The following MAMDC2 variants were observed in gnomAD, a reference collection of about 807,000 sequenced individuals.
The protein encoded by MAMDC2 is MAM domain containing 2, also known as MAM domain-containing protein 2.
Under a neutral mutation model 89.8 loss-of-function variants are expected in MAMDC2, and 57 were observed. The ratio of observed to expected loss-of-function variants is 0.63; its 90% CI spans 0.51 to 0.79. The LOEUF (loss-of-function observed/expected upper bound fraction) is 0.79, where lower values mean the gene tolerates loss of function less well. MAMDC2 is among the 30% of genes least tolerant of loss of function. MAMDC2 has a pLI of 0.00. For missense variants in MAMDC2, 800 were observed against 820.6 expected (o/e 0.97, Z 0.31); for synonymous variants, 313 against 293.4 (o/e 1.07, Z -0.68).
intron 9 of MAMDC2, among the ~76,000 whole-genome samples, chr9:70,162,404 A>G (rs1414493362): frequency 6.6e-6 from 1 of 151,998 alleles, no homozygotes; most frequent in African/African-American, 2.4e-5. Flanking sequence ...AATAACCCTG[A>G]TTATTTTAAA....
At chr9:70,084,003 T>C (rs1827712773) in intron 2 of MAMDC2, among the ~76,000 whole-genome samples, 2 of 152,112 alleles carry the variant, frequency 1.3e-5, no homozygotes, top group African/African-American at 4.8e-5. Context: ...TCAAGTCTTT[T>C]CCAATGTTAA....
intron 9 of MAMDC2, among the ~76,000 whole-genome samples, chr9:70,151,452 A>G (rs1365848662): frequency 6.6e-6 from 1 of 152,168 alleles, no homozygotes; most frequent in African/African-American, 2.4e-5. Flanking sequence ...CCCTGGTGCA[A>G]AGTAGGTCAT....
At chr9:70,057,283 A>G (rs1827044336) in intron 2 of MAMDC2, among the ~76,000 whole-genome samples, 1 of 152,182 alleles carries the variant, frequency 6.6e-6, no homozygotes, top group Admixed American at 6.5e-5. Flanking sequence ...ATCAATAATT[A>G]CCAATGATGT....
At position 70,054,814 on chromosome 9, in the gene MAMDC2, G is replaced by A. The variant is rs144800577; in HGVS notation, c.148+10117G>A. 6.5e-3 allele frequency among the ~76,000 whole-genome samples: 995 copies of A among 152,134 alleles called. 6 individuals are homozygous for A. The highest frequency in any genetic ancestry group is 0.022 in the African/African-American group (933 of 41,508). On this transcript the variant is annotated intron_variant, in intron 2 of 13. Coordinates refer to ENST00000377182, the MANE Select transcript of MAMDC2 (RefSeq NM_153267.5). ...AGTGGCTTGTGGGCACTGGAGTGTC[G>A]ACTTCAAATGTGTGAAATTTTATTT...
intron 11 of MAMDC2, among the ~76,000 whole-genome samples, chr9:70,186,295 C>G (rs2032753329): frequency 2.0e-5 from 3 of 151,944 alleles, no homozygotes; most frequent in Non-Finnish European, 4.4e-5. Flanking sequence ...TCTTCTGTAT[C>G]TAGCTTTTTA....
chr9:70,190,470 G>A (rs906389271), intron 11 of MAMDC2, among the ~76,000 whole-genome samples: 3 of 152,066 alleles, frequency 2.0e-5, no homozygotes, highest in Admixed American at 6.6e-5. Context: ...GTGCTCTAGC[G>A]GGAAGTTTAC....
chr9:70,134,365 C>A (rs1271843368), intron 7 of MAMDC2, among the ~76,000 whole-genome samples: 1 of 148,434 alleles, frequency 6.7e-6, no homozygotes, highest in East Asian at 2.0e-4. Flanking sequence ...CCCTCACTCT[C>A]CCCCTGCACA....
intron 11 of MAMDC2, chr9:70,217,739 TAAA>T (rs1223610598): frequency 1.8e-6 from 2 of 1,126,138 alleles, no homozygotes; most frequent in African/African-American, 3.2e-5. Flanking sequence ...TTTTCAAAAC[TAAA>T]AAAAAGTGTC....
At chr9:70,076,909 C>A (rs971525001) in intron 2 of MAMDC2, among the ~76,000 whole-genome samples, 8 of 152,164 alleles carry the variant, frequency 5.3e-5, no homozygotes, top group Non-Finnish European at 1.0e-4. Context: ...CAGCACAGAG[C>A]GTTCCCTTGG....
intron 11 of MAMDC2, among the ~76,000 whole-genome samples, chr9:70,212,158 C>A (rs4439194): frequency 6.6e-6 from 1 of 152,206 alleles, no homozygotes; most frequent in South Asian, 2.1e-4. Context: ...TCAAAGCTGT[C>A]AGACAGGGAC....
At chr9:70,113,681 T>G (rs1587482933) in intron 5 of MAMDC2, 1 of 154,580 alleles carries the variant, frequency 6.5e-6, no homozygotes, top group Admixed American at 6.3e-5. Flanking sequence ...AGAAGTCAGC[T>G]TTGAGGAGAA....
chr9:70,045,617 G>A (rs1826729616), intron 2 of MAMDC2, among the ~76,000 whole-genome samples: 1 of 152,128 alleles, frequency 6.6e-6, no homozygotes, highest in Non-Finnish European at 1.5e-5. Flanking sequence ...CTCGCTCCCT[G>A]GGGGAGGATG....
intron 5 of MAMDC2, among the ~76,000 whole-genome samples, chr9:70,119,730 A>G (rs2030198873): frequency 1.3e-5 from 2 of 152,168 alleles, no homozygotes; most frequent in South Asian, 2.1e-4. Flanking sequence ...GTCTCTTCAT[A>G]CTTCACCTTT....
chr9:70,082,322 A>G (rs1827671887), intron 2 of MAMDC2, among the ~76,000 whole-genome samples: 1 of 152,196 alleles, frequency 6.6e-6, no homozygotes, highest in Non-Finnish European at 1.5e-5. Context: ...TGTGGGTAAC[A>G]GCCCTTATGT....
At position 70,104,692 on chromosome 9, in the gene MAMDC2, C is replaced by T. The variant is rs2975877; in HGVS notation, c.149-3519C>T. Among the ~76,000 whole-genome samples the T allele has an allele frequency of 8.5e-3, 1,288 of 152,250 alleles. 22 individuals carry two copies. The highest frequency in any genetic ancestry group is 0.03 in the African/African-American group (1,229 of 41,556). ...GTGAAAGAAGCTAGTCACAAAGGGA[C>T]ACATATTATATAATTCTATTTATAT... On this transcript the variant is annotated intron_variant, in intron 2 of 13. Coordinates refer to ENST00000377182, the MANE Select transcript of MAMDC2 (RefSeq NM_153267.5).
At chr9:70,122,331 A>T (rs1268171074) in intron 5 of MAMDC2, among the ~76,000 whole-genome samples, 2 of 152,228 alleles carry the variant, frequency 1.3e-5, no homozygotes, top group Non-Finnish European at 2.9e-5. Flanking sequence ...TAGCATCCTG[A>T]GCACAAGTTG....
At chr9:70,076,013 T>A (rs1438135698) in intron 2 of MAMDC2, among the ~76,000 whole-genome samples, 2 of 152,210 alleles carry the variant, frequency 1.3e-5, no homozygotes, top group African/African-American at 4.8e-5. Context: ...AAATGTCCAG[T>A]GACGTTACAA....
chr9:70,081,342 A>C (rs564591556), intron 2 of MAMDC2, among the ~76,000 whole-genome samples: 1 of 152,198 alleles, frequency 6.6e-6, no homozygotes, highest in South Asian at 2.1e-4. Flanking sequence ...GGAATGTCCA[A>C]ATCTGTGAGT....
intron 2 of MAMDC2, among the ~76,000 whole-genome samples, chr9:70,051,062 A>G (rs1007266093): frequency 6.6e-6 from 1 of 152,146 alleles, no homozygotes; most frequent in African/African-American, 2.4e-5. Flanking sequence ...GGTGCCTTCT[A>G]TGATCTCTCA....
Sources: allele counts gnomAD v4.1 joint callset (sites outside exome capture counted in the v4.1 genomes callset), GRCh38; gene constraint gnomAD v4.1.1; transcripts MANE v1.5; gene names NCBI Gene and HGNC (gene_info 2026-07-23, HGNC 2026-07-21).